The following RAD51B variants were observed in gnomAD, a reference collection of about 807,000 sequenced individuals.
RAD51B encodes the protein DNA repair protein RAD51 homolog 2.
In RAD51B, 38 loss-of-function variants were observed where a neutral mutation model predicts 42.2. That is an observed-to-expected ratio of 0.90 (90% CI 0.70 to 1.18). RAD51B has a LOEUF of 1.18. Ranked by LOEUF, RAD51B falls within the 50% of genes most tolerant of loss-of-function variation. The pLI is 0.00. For synonymous variants in RAD51B, 154 were observed against 145.2 expected (o/e 1.06, Z -0.43); for missense variants, 373 against 400.7 (o/e 0.93, Z 0.59).
intron 9 of RAD51B, among the ~76,000 whole-genome samples, chr14:68,465,955 T>TA (rs1240782454): frequency 1.1e-3 from 39 of 34,700 alleles, no homozygotes; most frequent in African/African-American, 6.7e-3. Context: ...AAAAAAAAAA[T>TA]AAATAAATAA....
intron 7 of RAD51B, among the ~76,000 whole-genome samples, chr14:68,214,548 A>T (rs2079775220): frequency 6.6e-6 from 1 of 152,242 alleles, no homozygotes. Context: ...CATAAATAAA[A>T]AAACTCCAAG....
At chr14:67,936,347 T>C (rs2044949390) in intron 7 of RAD51B, among the ~76,000 whole-genome samples, 1 of 152,218 alleles carries the variant, frequency 6.6e-6, no homozygotes. Flanking sequence ...AGTCATATAA[T>C]GTGTGTTCTT....
At chr14:68,179,395 C>T (rs139681907) in intron 7 of RAD51B, among the ~76,000 whole-genome samples, 200 of 152,148 alleles carry the variant, frequency 1.3e-3, no homozygotes, top group Non-Finnish European at 2.4e-3. Context: ...CTAAAAAGTT[C>T]GCAAACTACT....
chr14:67,832,115 C>A (rs1270352289), intron 3 of RAD51B, among the ~76,000 whole-genome samples: 1 of 152,128 alleles, frequency 6.6e-6, no homozygotes, highest in Non-Finnish European at 1.5e-5. Context: ...ATTATGTAGG[C>A]ACTAAAATCT....
At chr14:68,094,699 G>A (rs917025224) in intron 7 of RAD51B, among the ~76,000 whole-genome samples, 1 of 152,102 alleles carries the variant, frequency 6.6e-6, no homozygotes, top group African/African-American at 2.4e-5. Context: ...GAATTGAGGA[G>A]TATGATTATC....
intron 7 of RAD51B, among the ~76,000 whole-genome samples, chr14:68,020,308 C>T (rs748774917): frequency 2.6e-5 from 4 of 151,956 alleles, no homozygotes; most frequent in Non-Finnish European, 4.4e-5. Context: ...CCCAGGGTTT[C>T]GCTATTTGCC....
chr14:68,088,450 A>G (rs1222705409), intron 7 of RAD51B, among the ~76,000 whole-genome samples: 4 of 151,794 alleles, frequency 2.6e-5, no homozygotes, highest in African/African-American at 9.7e-5. Flanking sequence ...TCTTTCGTCT[A>G]ATAACTCCTC....
At chr14:67,840,212 G>A (rs928202575) in intron 4 of RAD51B, among the ~76,000 whole-genome samples, 1 of 152,074 alleles carries the variant, frequency 6.6e-6, no homozygotes, top group African/African-American at 2.4e-5. Flanking sequence ...TTTGGGGTAC[G>A]ATTTATACCA....
In RAD51B at chr14:67,893,650, G is replaced by A. The variant is rs907559310; in HGVS notation, c.756+6446G>A. Among the ~76,000 whole-genome samples, 8 of 152,094 alleles carry A rather than the reference G, an allele frequency of 5.3e-5. 1 individual carries two copies. The highest frequency in any genetic ancestry group is 6.8e-3 in the Middle Eastern group (2 of 294). Reference sequence around the variant, plus strand: ...CATGCCACTGCATTCCAGCCTGGGCGACAGAGCAAGACCCTGTCTCAAAAT... The same window carrying A: ...CATGCCACTGCATTCCAGCCTGGGCAACAGAGCAAGACCCTGTCTCAAAAT... On this transcript the variant is annotated intron_variant, in intron 7 of 10. Transcript: ENST00000471583.
downstream of RAD51B, among the ~76,000 whole-genome samples, chr14:68,596,865 C>T (rs1451835444): frequency 1.3e-5 from 2 of 152,248 alleles, no homozygotes; most frequent in Admixed American, 1.3e-4. Flanking sequence ...GCAACACACC[C>T]AGAAGGTGGT....
intron 10 of RAD51B, among the ~76,000 whole-genome samples, chr14:68,632,968 C>CTTTTTTTTTTTTTTTTTTTTTT (rs397852024): frequency 1.7e-5 from 1 of 59,414 alleles, no homozygotes; most frequent in Non-Finnish European, 3.0e-5. Context: ...TTTTCTTTTT[C>CTTTTTTTTTTTTTTTTTTTTTT]TTTTTTTTTT....
chr14:68,082,278 T>C (rs2076923941), intron 7 of RAD51B, among the ~76,000 whole-genome samples: 2 of 152,136 alleles, frequency 1.3e-5, no homozygotes, highest in African/African-American at 2.4e-5. Flanking sequence ...TATTTCTTAA[T>C]TTCAGTTGCA....
intron 7 of RAD51B, among the ~76,000 whole-genome samples, chr14:68,067,369 C>T (rs192793056): frequency 9.3e-5 from 14 of 150,160 alleles, no homozygotes; most frequent in Middle Eastern, 3.5e-3. Flanking sequence ...GAGGCTGAGG[C>T]AGCAGAATTG....
chr14:68,527,962 T>C (rs1322875504), intron 10 of RAD51B, among the ~76,000 whole-genome samples: 1 of 152,260 alleles, frequency 6.6e-6, no homozygotes, highest in Non-Finnish European at 1.5e-5. Flanking sequence ...TTTTCTTTAG[T>C]AAATGTGTAT....
At chr14:68,503,987 G>A (rs1885102162) in intron 10 of RAD51B, among the ~76,000 whole-genome samples, 1 of 152,216 alleles carries the variant, frequency 6.6e-6, no homozygotes, top group Non-Finnish European at 1.5e-5. Flanking sequence ...CTTCACGGTG[G>A]TGGTGTTGTC....
chr14:67,865,240 C>CA, intron 5 of RAD51B, 101 bp downstream of exon 5: 2 of 1,135,368 alleles, frequency 1.8e-6, no homozygotes, highest in Non-Finnish European at 2.3e-6. Flanking sequence ...CTCCCCCTTG[C>CA]CTTTTTTTTT....
At chr14:67,937,134 G>C (rs748518430) in intron 7 of RAD51B, among the ~76,000 whole-genome samples, 2 of 152,140 alleles carry the variant, frequency 1.3e-5, no homozygotes, top group Non-Finnish European at 2.9e-5. Flanking sequence ...ATTTGCAGTA[G>C]GGTGCCATGA....
intron 10 of RAD51B, among the ~76,000 whole-genome samples, chr14:68,524,699 C>T (rs1189887841): frequency 6.6e-6 from 1 of 152,142 alleles, no homozygotes; most frequent in Non-Finnish European, 1.5e-5. Context: ...TGATTTGACC[C>T]CACAGGATGG....
intron 10 of RAD51B, among the ~76,000 whole-genome samples, chr14:68,560,163 C>A (rs1192944620): frequency 1.3e-5 from 2 of 152,146 alleles, no homozygotes; most frequent in Non-Finnish European, 2.9e-5. Context: ...AAAATAGCAC[C>A]CTTTTCCCAT....
Sources: gnomAD v4.1 joint callset for allele counts (sites outside exome capture counted in the v4.1 genomes callset) on GRCh38, gnomAD v4.1.1 for gene constraint, MANE v1.5 for transcripts, NCBI Gene and HGNC (gene_info 2026-07-23, HGNC 2026-07-21) for gene names.